Variants in SMIM28 observed in about 807,000 individuals in gnomAD.
SMIM28 encodes the protein small integral membrane protein 28.
chr6:138,380,587 G>A (rs553928337), intron 1 of SMIM28, among the ~76,000 whole-genome samples: 50 of 152,166 alleles, frequency 3.3e-4, no homozygotes, highest in African/African-American at 1.2e-3. Flanking sequence ...CTAACACGGT[G>A]AAACCCCGTC....
chr6:138,383,300 A>G lies in SMIM28; in HGVS notation c.*453A>G, dbSNP rs1403410525. 1.3e-5 allele frequency among the ~76,000 whole-genome samples: 2 copies of G among 152,212 alleles called. No homozygotes were observed. The highest frequency in any genetic ancestry group is 2.4e-5 in the African/African-American group (1 of 41,464). On this transcript the variant is annotated 3_prime_UTR_variant, in exon 2 of 2. Coordinates refer to ENST00000573100, the MANE Select transcript of SMIM28 (RefSeq NM_001368163.3). ...TCCCACACCAGTTTTTCAGGGTTTC[A>G]TGGTTTGTTTCACTTCTGTATGAAT...
At chr6:138,378,757 T>A (rs1774283333) in intron 1 of SMIM28, among the ~76,000 whole-genome samples, 1 of 152,136 alleles carries the variant, frequency 6.6e-6, no homozygotes, top group Admixed American at 6.5e-5. Context: ...ACCTAAAACC[T>A]AAGAATTAAT....
At chr6:138,382,168 A>G (rs1010110691) in intron 1 of SMIM28, among the ~76,000 whole-genome samples, 1 of 152,070 alleles carries the variant, frequency 6.6e-6, no homozygotes, top group African/African-American at 2.4e-5. Context: ...AGGCCAAGGG[A>G]GGTGAATCAC....
intron 1 of SMIM28, among the ~76,000 whole-genome samples, chr6:138,380,424 TAA>T (rs1774298266): frequency 6.6e-6 from 1 of 152,198 alleles, no homozygotes; most frequent in Non-Finnish European, 1.5e-5. Flanking sequence ...CACATAGTTA[TAA>T]AGTCTTTAGG....
chr6:138,380,494 G>A (rs994477872), intron 1 of SMIM28, among the ~76,000 whole-genome samples: 3 of 152,156 alleles, frequency 2.0e-5, no homozygotes, highest in Non-Finnish European at 2.9e-5. Flanking sequence ...AGGGCGGGGC[G>A]CAGTGGCTCA....
At position 138,380,449 on chromosome 6, in the gene SMIM28, A is replaced by G. The variant is rs113575512; in HGVS notation, c.112-2051A>G. 6.3e-3 allele frequency among the ~76,000 whole-genome samples: 961 copies of G among 152,348 alleles called. 10 individuals carry two copies. Among genetic ancestry groups the G allele is most frequent in the African/African-American group, 0.02 (824 of 41,582 alleles). On this transcript the variant is annotated intron_variant, in intron 1 of 1. Coordinates refer to ENST00000573100, the MANE Select transcript of SMIM28 (RefSeq NM_001368163.3). ...TAAAGTCTTTAGGGAATAACAAAAG[A>G]TTATACAAACATCTAGCATTATAAA...
In SMIM28 at chr6:138,382,947, A is replaced by G; in HGVS notation, c.*100A>G. ...TAATACAGCACCCATGAGAAGAGGG[A>G]GAAGGGCCCCTAGACCCAAGAAGCT... On this transcript the variant is annotated 3_prime_UTR_variant, in exon 2 of 2. Transcript: ENST00000573100. 2.5e-6 allele frequency: 1 copy of G among 397,476 alleles called. No individual in the cohort carries two copies. The highest frequency in any genetic ancestry group is 4.4e-6 in the Non-Finnish European group (1 of 225,866). The allele number at this position is 397,476 out of a possible 1,614,324, so 24.6% of individuals were successfully genotyped here. A position where few individuals can be genotyped will look rare whatever the true frequency, so the allele number is the denominator to read the frequency against.
At chr6:138,378,380 T>C (rs1774278030) in intron 1 of SMIM28, among the ~76,000 whole-genome samples, 197 bp downstream of exon 1, 1 of 152,204 alleles carries the variant, frequency 6.6e-6, no homozygotes, top group South Asian at 2.1e-4. Context: ...CAAGGATACA[T>C]TCAAGTAAAA....
rs1415025031 is a variant in SMIM28 at position 138,382,966 on chromosome 6, A to G, written c.*119A>G. The G allele has an allele frequency of 7.6e-6, 3 of 396,756 alleles. No individual in the cohort carries two copies. The highest frequency in any genetic ancestry group is 1.3e-5 in the Non-Finnish European group (3 of 225,530). 24.6% of individuals were successfully genotyped at this position (396,756 alleles called of 1,614,324 possible). The stretch of plus-strand genomic sequence containing the variant: ...AGAGGGAGAAGGGCCCCTAGACCCA[A>G]GAAGCTGCTATTCATTGGCCAACCT... On this transcript the variant is annotated 3_prime_UTR_variant, in exon 2 of 2. Coordinates refer to ENST00000573100, the MANE Select transcript of SMIM28 (RefSeq NM_001368163.3).
chr6:138,380,691 T>C (rs1007435632), intron 1 of SMIM28, among the ~76,000 whole-genome samples: 1 of 151,926 alleles, frequency 6.6e-6, no homozygotes, highest in Non-Finnish European at 1.5e-5. Context: ...GGCGTGAACC[T>C]GGGAAGCAGA....
chr6:138,382,486 T>C lies in SMIM28; in HGVS notation c.112-14T>C, dbSNP rs1562232976. The C allele has an allele frequency of 2.5e-6, 1 of 396,822 alleles. No homozygotes were observed. Among genetic ancestry groups the C allele is most frequent in the Non-Finnish European group, 4.4e-6 (1 of 225,840 alleles). The allele number at this position is 396,822 out of a possible 1,614,324, so 24.6% of individuals were successfully genotyped here. ...TTCCACATTTCCTAACTAGGCTTCC[T>C]TCCCTAACTCCAGGGCACCCAGGGG... On this transcript the variant is annotated splice_polypyrimidine_tract_variant and intron_variant, in intron 1 of 1. Coordinates refer to ENST00000573100, the MANE Select transcript of SMIM28 (RefSeq NM_001368163.3).
At position 138,378,147 on chromosome 6, in the gene SMIM28, C is replaced by T. The variant is rs1031177368; in HGVS notation, c.75C>T (p.Ser25=). The T allele has an allele frequency of 4.3e-5, 17 of 398,516 alleles. No homozygotes were observed. The highest frequency in any genetic ancestry group is 5.7e-5 in the Non-Finnish European group (13 of 226,108). The allele number at this position is 398,516 out of a possible 1,614,324, so 24.7% of individuals were successfully genotyped here. A position where few individuals can be genotyped will look rare whatever the true frequency, so the allele number is the denominator to read the frequency against. ...GGGGGACATATGAGTGGTTAACCAG[C>T]GAGCCCGGCCTGCCTCTCCTGGAGA... ...AGRGTYEWLT[S]EPGLPLLETQ... Residue 25 remains serine, a synonymous_variant, in exon 1 of 2, where the codon AGC becomes AGT. Transcript: ENST00000573100.
In SMIM28 at chr6:138,383,151, T is replaced by C. The variant is rs145762297; in HGVS notation, c.*304T>C. The C allele has an allele frequency of 7.1e-3, 1,440 of 201,956 alleles. 15 individuals are homozygous for C. Among genetic ancestry groups the C allele is most frequent in the African/African-American group, 0.033 (1,371 of 41,566 alleles). 12.5% of individuals were successfully genotyped at this position (201,956 alleles called of 1,614,324 possible). A position where few individuals can be genotyped will look rare whatever the true frequency, so the allele number is the denominator to read the frequency against. On this transcript the variant is annotated 3_prime_UTR_variant, in exon 2 of 2. Transcript: ENST00000573100. ...TCCTGAGAAAAAAAGGAAAGTTCTA[T>C]GTGAGTTGAAAAAAAAAAAAACACT...
chr6:138,382,484 C>G lies in SMIM28; in HGVS notation c.112-16C>G. ...CTTTCCACATTTCCTAACTAGGCTT[C>G]CTTCCCTAACTCCAGGGCACCCAGG... On this transcript the variant is annotated splice_polypyrimidine_tract_variant and intron_variant, in intron 1 of 1. Coordinates refer to ENST00000573100, the MANE Select transcript of SMIM28 (RefSeq NM_001368163.3). The G allele has an allele frequency of 2.5e-6, 1 of 398,052 alleles. No homozygotes were observed. The highest frequency in any genetic ancestry group is 4.4e-6 in the Non-Finnish European group (1 of 225,942). The allele number at this position is 398,052 out of a possible 1,614,324, so 24.7% of individuals were successfully genotyped here.
At chr6:138,379,343 T>C (rs1774289356) in intron 1 of SMIM28, among the ~76,000 whole-genome samples, 1 of 152,228 alleles carries the variant, frequency 6.6e-6, no homozygotes, top group Non-Finnish European at 1.5e-5. Flanking sequence ...ATTTCTCCTT[T>C]CTCAAATTTT....
At position 138,382,750 on chromosome 6, in the gene SMIM28, A is replaced by G; in HGVS notation, c.362A>G (p.Glu121Gly). 5.0e-6 allele frequency: 2 copies of G among 398,546 alleles called. No homozygotes were observed. The highest frequency in any genetic ancestry group is 4.4e-5 in the Admixed American group (1 of 22,716). The allele number at this position is 398,546 out of a possible 1,614,324, so 24.7% of individuals were successfully genotyped here. Residue 121 changes from glutamate (E) to glycine (G), a missense_variant, in exon 2 of 2, where the codon GAG (glutamate) becomes GGG (glycine). Transcript: ENST00000573100. The part of the protein sequence containing the change: ...EDFPYSPLPP[E>G]ATLPSQCLPP... ...TTCCCCTACTCCCCACTGCCCCCGG[A>G]GGCCACTCTCCCCTCCCAGTGTTTA...
rs941255466 is a variant in SMIM28, at chr6:138,378,029, G to C, written c.-44G>C. On this transcript the variant is annotated 5_prime_UTR_variant, in exon 1 of 2. Coordinates refer to ENST00000573100, the MANE Select transcript of SMIM28 (RefSeq NM_001368163.3). ...AGCAAGCAGCATTGTTGAAATCTGG[G>C]CAGCAAGGTGGAAGGGTGGCCAGGG... is the stretch of plus-strand genomic sequence containing the variant. 42 of 398,664 alleles carry C rather than the reference G, an allele frequency of 1.1e-4. No homozygotes were observed. In the East Asian group the frequency reaches 1.5e-3, roughly 14 times the overall value. 24.7% of individuals were successfully genotyped at this position (398,664 alleles called of 1,614,324 possible). A position where few individuals can be genotyped will look rare whatever the true frequency, so the allele number is the denominator to read the frequency against.
rs1458716730 is a variant in SMIM28, at chr6:138,382,640, G to T, written c.252G>T (p.Gln84His). ...GCAAGTCCCCACCGCCCCAGGGGCA[G>T]GTGTTCAGCATTGACCTACCAGAGC... Reference protein sequence around the residue: ...RRCKSPPPQGQVFSIDLPEHP... With the variant: ...RRCKSPPPQGHVFSIDLPEHP... The change falls in exon 2 of 2, where the codon CAG becomes CAT. Residue 84 changes from glutamine to histidine, a missense_variant. Physicochemically the swap from Gln to His is conservative, Grantham distance 24. Transcript: ENST00000573100. The T allele has an allele frequency of 2.5e-6, 1 of 398,690 alleles. No individual in the cohort carries two copies. The highest frequency in any genetic ancestry group is 4.4e-6 in the Non-Finnish European group (1 of 226,316). The allele number at this position is 398,690 out of a possible 1,614,324, so 24.7% of individuals were successfully genotyped here. A position where few individuals can be genotyped will look rare whatever the true frequency, so the allele number is the denominator to read the frequency against.
Position 138,383,141 on chromosome 6 carries a change from G to T in SMIM28, c.*294G>T. 9.8e-6 allele frequency: 2 copies of T among 203,350 alleles called. No homozygotes were observed. The highest frequency in any genetic ancestry group is 1.9e-5 in the Non-Finnish European group (2 of 103,148). 12.6% of individuals were successfully genotyped at this position (203,350 alleles called of 1,614,324 possible). ...TGTATAACACTCCTGAGAAAAAAAG[G>T]AAAGTTCTATGTGAGTTGAAAAAAA... On this transcript the variant is annotated 3_prime_UTR_variant, in exon 2 of 2. Coordinates refer to ENST00000573100, the MANE Select transcript of SMIM28 (RefSeq NM_001368163.3).
Sources: gnomAD v4.1 joint callset for allele counts (sites outside exome capture counted in the v4.1 genomes callset) on GRCh38, gnomAD v4.1.1 for gene constraint, MANE v1.5 for transcripts, NCBI Gene and HGNC (gene_info 2026-07-23, HGNC 2026-07-21) for gene names.